POT1: variants seen among roughly 807,000 people sequenced by gnomAD.
POT1 encodes the protein protection of telomeres protein 1.
Under a neutral mutation model 78.5 loss-of-function variants are expected in POT1, and 47 were observed. The observed-to-expected ratio is 0.60, with a 90% CI of 0.47 to 0.76. The LOEUF is 0.76. Among genes scored for constraint, POT1 ranks in the 30% least tolerant of loss-of-function variants. POT1 has a pLI of 0.00. For missense variants in POT1, 646 were observed against 749.9 expected (o/e 0.86, Z 1.62); for synonymous variants, 259 against 260.7 (o/e 0.99, Z 0.06).
intron 15 of POT1, among the ~76,000 whole-genome samples, chr7:124,830,662 C>A (rs1794737978): frequency 2.0e-5 from 3 of 151,862 alleles, no homozygotes; most frequent in African/African-American, 4.8e-5. Flanking sequence ...CTAAATATAT[C>A]AATAACTTAA....
At chr7:124,853,186 T>C in intron 9 of POT1, 48 bp from the exon 10 acceptor site, 1 of 1,388,380 alleles carries the variant, frequency 7.2e-7, no homozygotes, top group Non-Finnish European at 9.9e-7. Context: ...AAAATTAAAA[T>C]ACTTCTGATA....
intron 7 of POT1, among the ~76,000 whole-genome samples, chr7:124,865,690 A>ATT (rs1795704444): frequency 1.3e-5 from 2 of 150,862 alleles, no homozygotes; most frequent in Non-Finnish European, 3.0e-5. Context: ...TTTTTAAGTT[A>ATT]TTTTATTTAT....
intron 6 of POT1, 123 bp downstream of exon 6, chr7:124,892,143 T>A (rs1796386898): frequency 1.7e-6 from 1 of 585,424 alleles, no homozygotes; most frequent in African/African-American, 2.0e-5. Context: ...TGCATCAGTG[T>A]TGTTTGGCAA....
chr7:124,825,516 C>T (rs948906826), intron 17 of POT1, among the ~76,000 whole-genome samples, 159 bp from the exon 18 acceptor site: 1 of 152,084 alleles, frequency 6.6e-6, no homozygotes, highest in Non-Finnish European at 1.5e-5. Context: ...CTGGTCTCAA[C>T]TCCAAAATCT....
At chr7:124,856,346 A>C (rs768321195) in intron 9 of POT1, among the ~76,000 whole-genome samples, 13 of 152,212 alleles carry the variant, frequency 8.5e-5, no homozygotes, top group Non-Finnish European at 1.9e-4. Flanking sequence ...ATAAAAATCT[A>C]AAGTTATATT....
intron 2 of POT1, among the ~76,000 whole-genome samples, chr7:124,923,763 A>T (rs577391628): frequency 1.3e-5 from 2 of 151,748 alleles, no homozygotes; most frequent in Non-Finnish European, 2.9e-5. Flanking sequence ...AAAAAAAAAA[A>T]ATCTTAAAAT....
intron 7 of POT1, among the ~76,000 whole-genome samples, chr7:124,866,734 A>AAT (rs1438166435): frequency 6.6e-6 from 1 of 152,118 alleles, no homozygotes; most frequent in Admixed American, 6.5e-5. Flanking sequence ...CTCACTTTAT[A>AAT]AGTTTCTCTT....
intron 15 of POT1, among the ~76,000 whole-genome samples, chr7:124,829,607 C>T (rs1199329128): frequency 1.3e-5 from 2 of 151,762 alleles, no homozygotes; most frequent in African/African-American, 2.4e-5. Flanking sequence ...GTTCCAGGTC[C>T]AAATCATTAA....
rs762879798 is a variant in POT1, at chr7:124,842,932, T to C, written c.1038A>G (p.Thr346=). ...TTTGTTTCAAAATGGCACATAGTGG[T>C]GTCCTCTCCAAATACTGATGATCTG... ...ILTDHQYLER[T]PLCAILKQKA... The change falls in exon 13 of 19, where the codon ACA becomes ACG. Residue 346 remains threonine, a synonymous_variant. Coordinates refer to ENST00000357628, the MANE Select transcript of POT1 (RefSeq NM_015450.3). 3.8e-6 allele frequency: 6 copies of C among 1,599,290 alleles called. No homozygotes were observed. Among genetic ancestry groups the C allele is most frequent in the African/African-American group, 1.3e-5 (1 of 74,130 alleles).
intron 12 of POT1, among the ~76,000 whole-genome samples, chr7:124,844,118 C>A (rs1231389815): frequency 1.5e-5 from 2 of 136,382 alleles, no homozygotes; most frequent in African/African-American, 2.6e-5. Context: ...GTTGTGGTGG[C>A]GATTGTGGTT....
At chr7:124,855,238 A>AC (rs1479580424) in intron 9 of POT1, among the ~76,000 whole-genome samples, 1 of 150,008 alleles carries the variant, frequency 6.7e-6, no homozygotes, top group African/African-American at 2.4e-5. Context: ...AAAAAAAAAA[A>AC]AAAAACCAGA....
At chr7:124,891,933 G>C (rs1202334023) in intron 6 of POT1, among the ~76,000 whole-genome samples, 3 of 151,462 alleles carry the variant, frequency 2.0e-5, no homozygotes, top group Non-Finnish European at 4.4e-5. Flanking sequence ...AATTAAACGT[G>C]ATTTATGCAT....
intron 3 of POT1, among the ~76,000 whole-genome samples, chr7:124,907,841 C>T (rs1314202982): frequency 6.6e-6 from 1 of 151,976 alleles, no homozygotes; most frequent in African/African-American, 2.4e-5. Flanking sequence ...TTTTAAAAAA[C>T]CAAAGCTTTA....
chr7:124,860,549 G>T (rs1795565925), intron 8 of POT1, among the ~76,000 whole-genome samples: 1 of 151,996 alleles, frequency 6.6e-6, no homozygotes, highest in African/African-American at 2.4e-5. Flanking sequence ...CTGAGTTGAA[G>T]GGTACAAAAA....
chr7:124,836,270 G>C (rs1173090626), intron 14 of POT1, among the ~76,000 whole-genome samples: 1 of 152,130 alleles, frequency 6.6e-6, no homozygotes, highest in Non-Finnish European at 1.5e-5. Context: ...TCCAGAAAAA[G>C]GGCTGAATTT....
intron 11 of POT1, among the ~76,000 whole-genome samples, chr7:124,847,241 TC>T (rs767983875): frequency 6.6e-6 from 1 of 152,204 alleles, no homozygotes; most frequent in Non-Finnish European, 1.5e-5. Flanking sequence ...ACGCCTATAA[TC>T]CCAACACTTC....
At chr7:124,873,959 G>T (rs944998943) in intron 6 of POT1, among the ~76,000 whole-genome samples, 1 of 152,148 alleles carries the variant, frequency 6.6e-6, no homozygotes, top group African/African-American at 2.4e-5. Context: ...TTAAGGGTGA[G>T]AGTAAAAAGT....
chr7:124,867,304 A>G (rs1795752589), intron 7 of POT1, among the ~76,000 whole-genome samples: 3 of 152,116 alleles, frequency 2.0e-5, no homozygotes, highest in East Asian at 3.9e-4. Flanking sequence ...CCACGTTAGT[A>G]AGAGAGATTT....
chr7:124,842,103 C>T (rs1795042029), intron 13 of POT1, among the ~76,000 whole-genome samples: 1 of 151,986 alleles, frequency 6.6e-6, no homozygotes, highest in South Asian at 2.1e-4. Flanking sequence ...CATTGTAGCA[C>T]ATTTTAGTGA....
Sources: gnomAD v4.1 joint callset for allele counts (sites outside exome capture counted in the v4.1 genomes callset) on GRCh38, gnomAD v4.1.1 for gene constraint, MANE v1.5 for transcripts, NCBI Gene and HGNC (gene_info 2026-07-23, HGNC 2026-07-21) for gene names.